The following RBFOX1 variants were observed in gnomAD, a reference collection of about 807,000 sequenced individuals.
RBFOX1 encodes RNA binding fox-1 homolog 1.
RBFOX1 carries 8 observed loss-of-function variants against 57.7 expected under a neutral mutation model. The observed-to-expected ratio is 0.14, with a 90% CI of 0.08 to 0.25. The LOEUF is 0.25. RBFOX1 is among the 10% of genes least tolerant of loss of function. The pLI, the probability that RBFOX1 is intolerant of heterozygous loss-of-function variation, is 1.00. For synonymous variants in RBFOX1, 326 were observed against 222.4 expected, an observed-to-expected ratio of 1.47 and a Z score of -4.15; for missense variants, 611 against 548.5, an observed-to-expected ratio of 1.11 and a Z score of -1.14.
At chr16:5,775,924 G>A (rs1356071387) in intron 3 of RBFOX1, among the ~76,000 whole-genome samples, 1 of 152,186 alleles carries the variant, frequency 6.6e-6, no homozygotes. Context: ...TCTGGACCTT[G>A]AGGTGCCCCT....
At chr16:5,755,353 A>G (rs2053355348) in intron 3 of RBFOX1, among the ~76,000 whole-genome samples, 1 of 152,134 alleles carries the variant, frequency 6.6e-6, no homozygotes, top group Non-Finnish European at 1.5e-5. Context: ...GCTTTTCCCC[A>G]CAATTCTGGC....
intron 4 of RBFOX1, among the ~76,000 whole-genome samples, chr16:7,259,945 C>T (rs886701257): frequency 1.3e-5 from 2 of 151,940 alleles, no homozygotes; most frequent in African/African-American, 2.4e-5. Context: ...TGTCATTATC[C>T]CTCCCCTCCC....
At chr16:6,376,219 G>A (rs888193169) in intron 2 of RBFOX1, among the ~76,000 whole-genome samples, 5 of 152,128 alleles carry the variant, frequency 3.3e-5, no homozygotes, top group African/African-American at 1.2e-4. Flanking sequence ...CACTGGCCTT[G>A]TCATTTATGT....
chr16:5,262,736 G>A (rs190644805), intron 1 of RBFOX1, among the ~76,000 whole-genome samples: 33 of 152,344 alleles, frequency 2.2e-4, no homozygotes, highest in African/African-American at 7.0e-4. Context: ...GCAGAAAAGT[G>A]CAAAGAGGGT....
At chr16:6,102,061 T>C (rs1015752316) in intron 1 of RBFOX1, among the ~76,000 whole-genome samples, 1 of 152,076 alleles carries the variant, frequency 6.6e-6, no homozygotes. Flanking sequence ...CTGCATTTTG[T>C]TTCCTATGTG....
chr16:5,811,607 C>T (rs904233381), intron 3 of RBFOX1, among the ~76,000 whole-genome samples: 3 of 151,982 alleles, frequency 2.0e-5, no homozygotes, highest in Non-Finnish European at 4.4e-5. Context: ...TGCACCACCA[C>T]ATTGAGCTAA....
chr16:5,974,446 TAA>T (rs2060022202), intron 4 of RBFOX1, among the ~76,000 whole-genome samples: 1 of 151,582 alleles, frequency 6.6e-6, no homozygotes, highest in Non-Finnish European at 1.5e-5. Flanking sequence ...CCGTCCCTAC[TAA>T]AAATACAAAA....
intron 3 of RBFOX1, among the ~76,000 whole-genome samples, chr16:6,908,068 G>C (rs535551537): frequency 3.4e-4 from 52 of 151,882 alleles, no homozygotes; most frequent in African/African-American, 1.2e-3. Flanking sequence ...CTTCTGCAGA[G>C]ACCCCATTTC....
At chr16:6,094,569 G>C (rs1243002049) in intron 1 of RBFOX1, among the ~76,000 whole-genome samples, 1 of 152,164 alleles carries the variant, frequency 6.6e-6, no homozygotes, top group Non-Finnish European at 1.5e-5. Flanking sequence ...TAAAAGAAAG[G>C]GCTAGTTTTG....
At chr16:7,545,485 A>T (rs1601475277) in intron 5 of RBFOX1, among the ~76,000 whole-genome samples, 2 of 151,896 alleles carry the variant, frequency 1.3e-5, no homozygotes, top group Admixed American at 6.6e-5. Flanking sequence ...GCACCCCCCG[A>T]CCTTCCCTGC....
intron 1 of RBFOX1, among the ~76,000 whole-genome samples, chr16:6,034,106 G>A (rs564837651): frequency 2.0e-5 from 3 of 151,966 alleles, no homozygotes; most frequent in Admixed American, 6.6e-5. Context: ...AGGCCGAGGT[G>A]GGCGGATCAC....
intron 1 of RBFOX1, among the ~76,000 whole-genome samples, chr16:6,214,440 C>A (rs1163372234): frequency 1.1e-5 from 1 of 92,328 alleles, no homozygotes; most frequent in Non-Finnish European, 2.2e-5. Context: ...GGGAGAAGGA[C>A]AGAGAAGGTG....
chr16:6,648,452 T>C (rs1446062256), intron 2 of RBFOX1, among the ~76,000 whole-genome samples: 1 of 152,162 alleles, frequency 6.6e-6, no homozygotes, highest in Non-Finnish European at 1.5e-5. Flanking sequence ...GGAAATTTGC[T>C]GAAGGACCGC....
intron 4 of RBFOX1, among the ~76,000 whole-genome samples, chr16:7,187,493 T>G (rs373700331): frequency 1.4e-4 from 21 of 151,096 alleles, no homozygotes; most frequent in Non-Finnish European, 1.6e-4. Context: ...ATCGAGACCA[T>G]CCTGGCTAAC....
At chr16:5,913,949 A>G (rs990318373) in intron 4 of RBFOX1, among the ~76,000 whole-genome samples, 1 of 152,240 alleles carries the variant, frequency 6.6e-6, no homozygotes, top group Admixed American at 6.5e-5. Flanking sequence ...TCATTCCGTC[A>G]TGAGGACATC....
At chr16:7,635,019 C>A (rs934289364) in intron 11 of RBFOX1, among the ~76,000 whole-genome samples, 2 of 152,182 alleles carry the variant, frequency 1.3e-5, no homozygotes, top group Non-Finnish European at 2.9e-5. Context: ...GTGGACTGTT[C>A]ATTCCATTCC....
intron 4 of RBFOX1, among the ~76,000 whole-genome samples, chr16:5,989,205 C>G (rs1321802968): frequency 6.6e-6 from 1 of 150,852 alleles, no homozygotes; most frequent in Non-Finnish European, 1.5e-5. Context: ...GTGGCAGGAG[C>G]CTGTAGTCCC....
At chr16:6,456,052 A>G (rs1241583141) in intron 2 of RBFOX1, among the ~76,000 whole-genome samples, 1 of 152,198 alleles carries the variant, frequency 6.6e-6, no homozygotes, top group Non-Finnish European at 1.5e-5. Flanking sequence ...AAAAGAAACA[A>G]AGATTATATG....
intron 3 of RBFOX1, among the ~76,000 whole-genome samples, chr16:5,807,491 C>G (rs1311765874): frequency 1.3e-5 from 2 of 152,174 alleles, no homozygotes; most frequent in African/African-American, 4.8e-5. Context: ...TGGGTCATTA[C>G]TGAGCACTTT....
Sources: allele counts gnomAD v4.1 joint callset (sites outside exome capture counted in the v4.1 genomes callset), GRCh38; gene constraint gnomAD v4.1.1; transcripts MANE v1.5; gene names NCBI Gene and HGNC (gene_info 2026-07-23, HGNC 2026-07-21).